The following USP36 variants were observed in gnomAD, a reference collection of about 807,000 sequenced individuals.
The protein encoded by USP36 is ubiquitin specific peptidase 36, also known as ubiquitin carboxyl-terminal hydrolase 36.
A neutral mutation model predicts 111.5 loss-of-function variants in USP36; 59 were observed. That is an observed-to-expected ratio of 0.53 (90% confidence interval 0.43 to 0.66). The LOEUF is 0.66. Among genes scored for constraint, USP36 ranks in the 30% least tolerant of loss-of-function variants. USP36 has a pLI of 0.00. For synonymous variants in USP36, 628 were observed against 581.0 expected (o/e 1.08, Z -1.16); for missense variants, 1,488 against 1,468.0 (o/e 1.01, Z -0.22).
intron 15 of USP36, among the ~76,000 whole-genome samples, chr17:78,805,415 G>A (rs184120608): frequency 1.3e-3 from 195 of 152,296 alleles, no homozygotes; most frequent in African/African-American, 4.4e-3. Flanking sequence ...GGCTGTGGGC[G>A]ACGCACAGTC....
chr17:78,798,996 G>A lies in USP36; in HGVS notation c.3152C>T (p.Ala1051Val), dbSNP rs144734912. 83 of 1,613,936 alleles carry A rather than the reference G, an allele frequency of 5.1e-5. No individual in the cohort carries two copies. Among genetic ancestry groups the A allele is most frequent in the Non-Finnish European group, 6.8e-5 (80 of 1,180,048 alleles). ...KVLTWDGKMS[A>V]VSQDAIEDSR... is the part of the protein sequence containing the mutation. ...GTCTTCAATAGCATCCTGACTGACC[G>A]CCGACATCTTGCCATCCCAGGTCAG... Residue 1051 changes from alanine (A) to valine (V), a missense_variant, in exon 19 of 21, where the codon GCG becomes GTG. This residue lies in a region of USP36 where 1,073 missense variants were observed against 994.1 expected (regional missense o/e 1.08). Transcript: ENST00000449938. The surrounding 1 kb of genome is among the most constrained non-coding windows in gnomAD (Gnocchi z 5.1).
chr17:78,809,864 T>C (rs529392706), intron 13 of USP36, among the ~76,000 whole-genome samples: 2 of 151,970 alleles, frequency 1.3e-5, no homozygotes, highest in African/African-American at 2.4e-5. Context: ...TTCCTTTTTT[T>C]GAGATGGAGT....
exon 4 of USP36, chr17:78,787,598 C>CA (rs1163442803): frequency 6.6e-6 from 1 of 152,216 alleles, no homozygotes; most frequent in Non-Finnish European, 1.5e-5. Context: ...CAATGAAGAG[C>CA]AGCCAGAAAG....
chr17:78,826,993 C>A, intron 6 of USP36: 1 of 644,586 alleles, frequency 1.6e-6, no homozygotes, highest in Non-Finnish European at 2.8e-6. Flanking sequence ...GCCGCCACCA[C>A]AGCCACCCGA....
intron 20 of USP36, 113 bp from the exon 21 acceptor site, chr17:78,797,992 G>A (rs375924904): frequency 1.6e-4 from 27 of 169,906 alleles, no homozygotes; most frequent in African/African-American, 4.0e-4. Flanking sequence ...ATCTCGATGC[G>A]GCTGGCAAGA....
rs1827774761 is a variant in USP36, at chr17:78,803,581, G to C, written c.2614C>G (p.Pro872Ala). The C allele has an allele frequency of 1.2e-6, 2 of 1,612,948 alleles. No homozygotes were observed. The highest frequency in any genetic ancestry group is 1.7e-5 in the Admixed American group (1 of 59,994). The change falls in exon 16 of 21, where the codon CCC (proline) becomes GCC (alanine). Residue 872 changes from proline (P) to alanine (A), a missense_variant. This residue lies in a region of USP36 where 1,073 missense variants were observed against 994.1 expected (regional missense o/e 1.08). Coordinates refer to ENST00000449938, the MANE Select transcript of USP36 (RefSeq NM_001385174.1). This position sits in a 1 kb window ranked among gnomAD's most constrained non-coding sequence, Gnocchi z 4.6. Reference sequence around the variant, plus strand: ...GCCTGGCCCTCCCTCCTGTACATGGGGCTCCCAGGCTGTCTCTGTGTCTGC... The same window carrying C: ...GCCTGGCCCTCCCTCCTGTACATGGCGCTCCCAGGCTGTCTCTGTGTCTGC... ...EGQTQRQPGSPMYRREGQAQL... is the reference protein window; with the variant it reads ...EGQTQRQPGSAMYRREGQAQL...
downstream of USP36, among the ~76,000 whole-genome samples, chr17:78,793,955 C>G (rs962420286): frequency 6.6e-6 from 1 of 152,176 alleles, no homozygotes; most frequent in African/African-American, 2.4e-5. Context: ...GAATCTCTCA[C>G]CACCTGAAGG....
At chr17:78,824,289 AAGAG>A (rs1011433545) in intron 6 of USP36, among the ~76,000 whole-genome samples, 4 of 152,226 alleles carry the variant, frequency 2.6e-5, no homozygotes, top group African/African-American at 9.6e-5. Context: ...CTAAAATGGC[AAGAG>A]AGAGAGGAGA....
intron 10 of USP36, 133 bp downstream of exon 10, chr17:78,818,534 G>T: frequency 1.3e-6 from 1 of 765,462 alleles, no homozygotes; most frequent in Non-Finnish European, 2.2e-6. Context: ...CACAATATGT[G>T]TAGAACCTTT....
Position 78,813,805 on chromosome 17 carries a change from C to T in USP36, c.1233G>A (p.Leu411=), listed in dbSNP as rs1228214004. Residue 411 remains leucine, a synonymous_variant, in exon 12 of 21, where the codon CTG becomes CTA. Coordinates refer to ENST00000449938, the MANE Select transcript of USP36 (RefSeq NM_001385174.1). ...LVHSSNVKVV[L]NQQAYVLFYL... is the part of the protein sequence containing the mutation. ...AGAACAGCACGTAGGCCTGCTGGTT[C>T]AGAACCACCTTGACGTTGCTGGAAT... 2 of 1,614,160 alleles carry T rather than the reference C, an allele frequency of 1.2e-6. No homozygotes were observed. The highest frequency in any genetic ancestry group is 1.1e-5 in the South Asian group (1 of 91,082).
At chr17:78,837,993 G>A (rs1400610220) in intron 2 of USP36, among the ~76,000 whole-genome samples, 2 of 152,328 alleles carry the variant, frequency 1.3e-5, no homozygotes, top group South Asian at 2.1e-4. Context: ...GCTGAGGTGG[G>A]AGGATAACTT....
intron 10 of USP36, among the ~76,000 whole-genome samples, chr17:78,815,153 G>A (rs902168358): frequency 3.3e-5 from 5 of 152,142 alleles, no homozygotes; most frequent in South Asian, 2.1e-4. Flanking sequence ...CCAAGATGGC[G>A]AAACCTTGTC....
At chr17:78,813,106 G>A (rs1567936734) in intron 12 of USP36, 105 bp from the exon 13 acceptor site, 1 of 1,451,350 alleles carries the variant, frequency 6.9e-7, no homozygotes, top group Non-Finnish European at 9.4e-7. Context: ...CACGGCCTGG[G>A]GAAACCCTGC....
chr17:78,802,092 C>A (rs1480626595), intron 17 of USP36, among the ~76,000 whole-genome samples: 1 of 146,616 alleles, frequency 6.8e-6, no homozygotes, highest in African/African-American at 2.5e-5. Context: ...CCCACGCGGT[C>A]CCCCACCCCC....
rs767807281 is a variant in USP36, at chr17:78,812,907, T to C, written c.1360A>G (p.Lys454Glu). 8.7e-6 allele frequency: 14 copies of C among 1,613,748 alleles called. No homozygotes were observed. The South Asian group carries it at 1.4e-4, about 16-fold the overall frequency. The change falls in exon 13 of 21, where the codon AAG becomes GAG. Residue 454 changes from lysine to glutamate, a missense_variant. Physicochemically the swap from Lys to Glu is moderately conservative, Grantham distance 56. Transcript: ENST00000449938. The stretch of plus-strand genomic sequence containing the variant: ...ATAATCCCATTGCCGATGTTCTTCT[T>C]GGAGTGATCTGGAATCACACTCGGG... ...GRPSVIPDHS[K>E]KNIGNGIISS...
intron 4 of USP36, among the ~76,000 whole-genome samples, chr17:78,831,643 T>C (rs1179813139): frequency 5.3e-5 from 8 of 151,748 alleles, no homozygotes; most frequent in African/African-American, 1.7e-4. Context: ...CTCTAATCAT[T>C]ATATATAAAA....
intron 6 of USP36, among the ~76,000 whole-genome samples, chr17:78,824,323 A>G (rs2145463161): frequency 6.6e-6 from 1 of 152,342 alleles, no homozygotes; most frequent in East Asian, 1.9e-4. Flanking sequence ...CTAGGAAGTA[A>G]AGGGTACCAC....
intron 6 of USP36, 65 bp downstream of exon 6, chr17:78,827,180 G>A: frequency 7.0e-7 from 1 of 1,422,430 alleles, no homozygotes; most frequent in Non-Finnish European, 9.3e-7. Context: ...CCATAGGAAT[G>A]TTCTGCTGCC....
At chr17:78,805,953 C>T (rs2093887654) in intron 15 of USP36, among the ~76,000 whole-genome samples, 1 of 152,178 alleles carries the variant, frequency 6.6e-6, no homozygotes, top group Non-Finnish European at 1.5e-5. Context: ...GGCCGAACTG[C>T]CTTCACCACC....
Sources: allele counts gnomAD v4.1 joint callset (sites outside exome capture counted in the v4.1 genomes callset), GRCh38; gene constraint gnomAD v4.1.1; regional missense constraint gnomAD v4.1.1; non-coding constraint Gnocchi (gnomAD v3.1); transcripts MANE v1.5; gene names NCBI Gene and HGNC (gene_info 2026-07-23, HGNC 2026-07-21).